Variants in STAG1 observed in about 807,000 individuals in gnomAD.
STAG1 encodes the protein STAG1 cohesin complex component, also known as cohesin subunit SA-1.
A neutral mutation model predicts 170.9 loss-of-function variants in STAG1; 26 were observed. That is an observed-to-expected ratio of 0.15 (90% CI 0.11 to 0.21). The LOEUF (loss-of-function observed/expected upper bound fraction) is 0.21. Among genes scored for constraint, STAG1 ranks in the 10% least tolerant of loss-of-function variants. The probability of loss-of-function intolerance (pLI) is 1.00; values close to 1 mark genes in which losing one functional copy is unlikely to be tolerated. For missense variants in STAG1, 964 were observed against 1,509.5 expected (o/e 0.64, Z 5.99); for synonymous variants, 514 against 497.7 (o/e 1.03, Z -0.44).
intron 4 of STAG1, 72 bp downstream of exon 4, chr3:136,604,237 T>C (rs1162521547): frequency 2.2e-6 from 3 of 1,392,562 alleles, no homozygotes; most frequent in Middle Eastern, 1.9e-4. Flanking sequence ...AGTGCCAATA[T>C]ACACACTAAC....
chr3:136,730,632 A>G (rs1218428215), intron 1 of STAG1, among the ~76,000 whole-genome samples: 1 of 152,234 alleles, frequency 6.6e-6, no homozygotes, highest in African/African-American at 2.4e-5. Context: ...GTGCATCAGA[A>G]ACTCAGATTT....
At chr3:136,504,661 G>A (rs1211276618) in intron 7 of STAG1, among the ~76,000 whole-genome samples, 1 of 152,186 alleles carries the variant, frequency 6.6e-6, no homozygotes. Flanking sequence ...ACCCAAAGGA[G>A]CTTAATTCAG....
At chr3:136,394,260 T>G (rs1224374881) in intron 22 of STAG1, among the ~76,000 whole-genome samples, 1 of 152,178 alleles carries the variant, frequency 6.6e-6, no homozygotes, top group Non-Finnish European at 1.5e-5. Context: ...CTTTTGAAGA[T>G]TATCACTTAG....
intron 6 of STAG1, among the ~76,000 whole-genome samples, chr3:136,522,458 C>T (rs1934728751): frequency 1.3e-5 from 2 of 152,152 alleles, no homozygotes; most frequent in Admixed American, 6.5e-5. Context: ...AGAAAAGATG[C>T]TTCCTAAAGG....
chr3:136,692,636 A>C (rs1942764402), intron 1 of STAG1, among the ~76,000 whole-genome samples: 1 of 149,424 alleles, frequency 6.7e-6, no homozygotes, highest in Non-Finnish European at 1.5e-5. Context: ...CTCTGTCTCA[A>C]AAAAAAAAAA....
At chr3:136,693,676 C>A (rs866322696) in intron 1 of STAG1, among the ~76,000 whole-genome samples, 1 of 152,024 alleles carries the variant, frequency 6.6e-6, no homozygotes, top group South Asian at 2.1e-4. Flanking sequence ...CTCAACTAAT[C>A]CTTCCATCTC....
intron 21 of STAG1, among the ~76,000 whole-genome samples, chr3:136,406,750 T>C (rs1386002826): frequency 6.6e-6 from 1 of 152,258 alleles, no homozygotes; most frequent in East Asian, 1.9e-4. Context: ...CAGGATGCTA[T>C]ATCATAAGTT....
chr3:136,606,958 G>C (rs180963963), intron 3 of STAG1, among the ~76,000 whole-genome samples: 1 of 151,954 alleles, frequency 6.6e-6, no homozygotes, highest in East Asian at 1.9e-4. Context: ...CACTGTGTTA[G>C]GCAGGATGGT....
intron 1 of STAG1, among the ~76,000 whole-genome samples, chr3:136,740,178 G>A (rs977859733): frequency 6.6e-6 from 1 of 152,114 alleles, no homozygotes; most frequent in South Asian, 2.1e-4. Flanking sequence ...TTGAGGCGGA[G>A]GTTTCAGTGA....
chr3:136,681,578 G>T (rs7618871), intron 1 of STAG1, among the ~76,000 whole-genome samples: 97,171 of 152,008 alleles, frequency 0.64, 33,565 homozygotes, highest in African/African-American at 0.89. Context: ...GCCATTTACA[G>T]CAAAAATTGG....
chr3:136,747,332 C>T (rs1934993270), intron 1 of STAG1, among the ~76,000 whole-genome samples: 1 of 151,304 alleles, frequency 6.6e-6, no homozygotes, highest in Admixed American at 6.6e-5. Flanking sequence ...ACCACAGCAA[C>T]TGTCTGACGC....
intron 5 of STAG1, among the ~76,000 whole-genome samples, chr3:136,566,276 G>A (rs943973516): frequency 6.6e-6 from 1 of 152,076 alleles, no homozygotes; most frequent in African/African-American, 2.4e-5. Context: ...TCCAGAAAAC[G>A]CTCTCAACCC....
chr3:136,715,543 C>T (rs1234897555), intron 1 of STAG1, among the ~76,000 whole-genome samples: 2 of 151,838 alleles, frequency 1.3e-5, no homozygotes, highest in African/African-American at 4.8e-5. Flanking sequence ...TTTCTTGAAC[C>T]CGGGAGGCAG....
chr3:136,425,379 A>G (rs931527365), intron 16 of STAG1, among the ~76,000 whole-genome samples: 2 of 152,166 alleles, frequency 1.3e-5, no homozygotes, highest in Non-Finnish European at 2.9e-5. Flanking sequence ...AATGTGAAAT[A>G]TGAATATATA....
chr3:136,750,584 C>A (rs569879579), intron 1 of STAG1, among the ~76,000 whole-genome samples: 1 of 152,304 alleles, frequency 6.6e-6, no homozygotes, highest in East Asian at 1.9e-4. Flanking sequence ...GAAGTGGATA[C>A]AGAAAAATTT....
chr3:136,372,743 A>G (rs1042350542), intron 23 of STAG1, among the ~76,000 whole-genome samples: 3 of 152,162 alleles, frequency 2.0e-5, no homozygotes, highest in Admixed American at 6.6e-5. Flanking sequence ...TGCTGGATTC[A>G]GTTTTCCAGT....
intron 1 of STAG1, among the ~76,000 whole-genome samples, chr3:136,631,212 C>T (rs552541180): frequency 6.6e-6 from 1 of 152,272 alleles, no homozygotes; most frequent in East Asian, 1.9e-4. Flanking sequence ...CGCACATCCT[C>T]ACAGTGAAAT....
chr3:136,428,175 T>C (rs1324496057), intron 16 of STAG1, among the ~76,000 whole-genome samples: 1 of 152,154 alleles, frequency 6.6e-6, no homozygotes, highest in African/African-American at 2.4e-5. Flanking sequence ...ATCTACTCAT[T>C]TGTGCAAATG....
chr3:136,344,606 C>A (rs932768610), intron 29 of STAG1, among the ~76,000 whole-genome samples: 9 of 152,008 alleles, frequency 5.9e-5, no homozygotes, highest in Non-Finnish European at 1.5e-5. Context: ...CCCCCACTTA[C>A]CATTCTTTGT....
Sources: gnomAD v4.1 joint callset for allele counts (sites outside exome capture counted in the v4.1 genomes callset) on GRCh38, gnomAD v4.1.1 for gene constraint, MANE v1.5 for transcripts, NCBI Gene and HGNC (gene_info 2026-07-23, HGNC 2026-07-21) for gene names.